The following AJAP1 variants were observed in gnomAD, a reference collection of about 807,000 sequenced individuals.
AJAP1 encodes adherens junction-associated protein 1.
AJAP1 carries 5 observed loss-of-function variants against 35.0 expected under a neutral mutation model. That is an observed-to-expected ratio of 0.14 (90% CI 0.07 to 0.30). The LOEUF (loss-of-function observed/expected upper bound fraction) is 0.30, where lower values mean the gene tolerates loss of function less well. Among genes scored for constraint, AJAP1 ranks in the 10% least tolerant of loss-of-function variants. AJAP1 has a pLI of 1.00. For synonymous variants in AJAP1, 284 were observed against 249.3 expected (o/e 1.14, Z -1.31); for missense variants, 586 against 571.0 (o/e 1.03, Z -0.27).
chr1:4,787,906 G>A lies in AJAP1; in HGVS notation c.*5421G>A, dbSNP rs1253329748. The A allele has an allele frequency of 1.4e-5, 5 of 350,434 alleles. No individual in the cohort carries two copies. The East Asian group carries it at 4.0e-4, about 28-fold the overall frequency. The allele number at this position is 350,434 out of a possible 1,614,324, so 21.7% of individuals were successfully genotyped here. ...CTTCTTAAACAGCATCTGCTTTTAA[G>A]TAAGCAGCTATTCCAAAACATGCCG... On this transcript the variant is annotated 3_prime_UTR_variant, in exon 6 of 6. Coordinates refer to ENST00000378191, the MANE Select transcript of AJAP1 (RefSeq NM_018836.4).
At chr1:4,681,193 C>T (rs985460933) in intron 1 of AJAP1, among the ~76,000 whole-genome samples, 2 of 152,206 alleles carry the variant, frequency 1.3e-5, no homozygotes, top group African/African-American at 4.8e-5. Context: ...TGAAATGCCC[C>T]ACTGTTAACC....
chr1:4,765,964 T>C (rs1456550500), intron 2 of AJAP1, among the ~76,000 whole-genome samples: 5 of 152,184 alleles, frequency 3.3e-5, no homozygotes, highest in African/African-American at 4.8e-5. Flanking sequence ...AGCAAAGCTT[T>C]GATGGTGGAG....
intron 1 of AJAP1, among the ~76,000 whole-genome samples, chr1:4,675,459 G>A (rs553339346): frequency 2.0e-5 from 3 of 152,280 alleles, no homozygotes; most frequent in South Asian, 2.1e-4. Context: ...ATTGCCAGCC[G>A]GGGAAGCCCC....
rs745633032 is a variant in AJAP1, at chr1:4,769,962, T to C, written c.917+22T>C. ...ATTGGTAAGGCTCCTTGGGCCCTTC[T>C]GGCCCAGAAATGGGGGACTACCGGG... On this transcript the variant is annotated intron_variant, in intron 3 of 5. Coordinates refer to ENST00000378191, the MANE Select transcript of AJAP1 (RefSeq NM_018836.4). 45 of 1,593,544 alleles carry C rather than the reference T, an allele frequency of 2.8e-5. No homozygotes were observed. In the South Asian group the frequency reaches 4.6e-4, roughly 16 times the overall value.
At chr1:4,691,475 T>C (rs531007676) in intron 1 of AJAP1, among the ~76,000 whole-genome samples, 1 of 152,346 alleles carries the variant, frequency 6.6e-6, no homozygotes, top group South Asian at 2.1e-4. Flanking sequence ...CCCTTTGGGC[T>C]GGGTACACAG....
chr1:4,717,485 C>T (rs965152903), intron 2 of AJAP1, among the ~76,000 whole-genome samples: 3 of 152,196 alleles, frequency 2.0e-5, no homozygotes, highest in Non-Finnish European at 4.4e-5. Flanking sequence ...GTCACGTATT[C>T]GTGACATCCA....
chr1:4,769,285 C>T (rs1357376812), intron 2 of AJAP1, among the ~76,000 whole-genome samples: 4 of 152,170 alleles, frequency 2.6e-5, no homozygotes, highest in African/African-American at 9.6e-5. Context: ...GAAGATTTCA[C>T]CCCGTGATCT....
chr1:4,670,957 C>T (rs1466080443), intron 1 of AJAP1, among the ~76,000 whole-genome samples: 2 of 152,242 alleles, frequency 1.3e-5, no homozygotes, highest in African/African-American at 4.8e-5. Context: ...GGCTGTGGCC[C>T]TTCAAGGCCC....
At chr1:4,669,182 A>T (rs535209986) in intron 1 of AJAP1, among the ~76,000 whole-genome samples, 5 of 152,164 alleles carry the variant, frequency 3.3e-5, no homozygotes, top group Non-Finnish European at 7.3e-5. Context: ...TCATCACCCT[A>T]AAAGGAAACT....
At chr1:4,659,521 ACT>A (rs932176561) in intron 1 of AJAP1, among the ~76,000 whole-genome samples, 6 of 151,784 alleles carry the variant, frequency 4.0e-5, no homozygotes, top group African/African-American at 1.5e-4. Flanking sequence ...ATTCAGATTA[ACT>A]CTCAGTTAAT....
At chr1:4,691,363 T>G (rs1194467217) in intron 1 of AJAP1, among the ~76,000 whole-genome samples, 1 of 152,174 alleles carries the variant, frequency 6.6e-6, no homozygotes, top group Non-Finnish European at 1.5e-5. Flanking sequence ...CTTTGTCCTC[T>G]CCAGGCCACA....
intron 2 of AJAP1, among the ~76,000 whole-genome samples, chr1:4,737,152 T>G (rs1640944156): frequency 6.6e-6 from 1 of 152,130 alleles, no homozygotes; most frequent in Non-Finnish European, 1.5e-5. Context: ...TTTCCCTGCC[T>G]GCAGTTTACT....
rs1351498638 is a variant in AJAP1 at position 4,769,863 on chromosome 1, C to G, written c.840C>G (p.Val280=). Residue 280 remains valine (V), a synonymous_variant, in exon 3 of 6, where the codon GTC becomes GTG. Transcript: ENST00000378191. ...TTTCCTTCTTTCCAGGTCTGGCTGT[C>G]CATCAGATCATCACCATCACCGTCT... The part of the protein sequence containing the change: ...RILGEASGLA[V]HQIITITVSL... 4 of 1,613,760 alleles carry G rather than the reference C, an allele frequency of 2.5e-6. No individual in the cohort carries two copies. The highest frequency in any genetic ancestry group is 1.3e-5 in the African/African-American group (1 of 74,884).
intron 5 of AJAP1, among the ~76,000 whole-genome samples, chr1:4,776,168 G>A (rs1165199629): frequency 1.3e-5 from 2 of 152,208 alleles, no homozygotes; most frequent in Non-Finnish European, 2.9e-5. Flanking sequence ...ATGTTTGCAC[G>A]GCAGCTCGTG....
intron 2 of AJAP1, among the ~76,000 whole-genome samples, chr1:4,765,222 GA>G (rs773305578): frequency 1.3e-5 from 2 of 152,196 alleles, no homozygotes; most frequent in Non-Finnish European, 2.9e-5. Flanking sequence ...TTGAAGATGT[GA>G]TTCAGTGTTG....
chr1:4,714,050 C>T (rs1164062045), intron 2 of AJAP1, among the ~76,000 whole-genome samples: 1 of 152,198 alleles, frequency 6.6e-6, no homozygotes, highest in Non-Finnish European at 1.5e-5. Context: ...GGGTGGGTGG[C>T]TTTTGTCCTT....
chr1:4,745,977 A>G (rs758583298), intron 2 of AJAP1, among the ~76,000 whole-genome samples: 2 of 152,228 alleles, frequency 1.3e-5, no homozygotes, highest in Non-Finnish European at 2.9e-5. Flanking sequence ...AAATGAAAAC[A>G]GTGAAGCCAA....
intron 2 of AJAP1, among the ~76,000 whole-genome samples, chr1:4,729,508 A>T (rs1053664040): frequency 2.0e-5 from 3 of 152,132 alleles, no homozygotes; most frequent in African/African-American, 7.2e-5. Flanking sequence ...TCGTTGAAGT[A>T]TGGGGTCTTC....
intron 2 of AJAP1, among the ~76,000 whole-genome samples, chr1:4,753,257 C>A (rs1247280480): frequency 1.3e-5 from 2 of 152,126 alleles, no homozygotes; most frequent in Non-Finnish European, 2.9e-5. Flanking sequence ...CTCTTTGATT[C>A]TTCTCCAGCC....
Sources: allele counts gnomAD v4.1 joint callset (sites outside exome capture counted in the v4.1 genomes callset), GRCh38; gene constraint gnomAD v4.1.1; transcripts MANE v1.5; gene names NCBI Gene and HGNC (gene_info 2026-07-23, HGNC 2026-07-21).